Variants in NAV3 observed in about 807,000 individuals in gnomAD.
NAV3 encodes the protein neuron navigator 3.
Under a neutral mutation model 244.7 loss-of-function variants are expected in NAV3, and 87 were observed. That is an observed-to-expected ratio of 0.36 (90% CI 0.30 to 0.42). The LOEUF (loss-of-function observed/expected upper bound fraction) is 0.42, where lower values mean the gene tolerates loss of function less well. Among genes scored for constraint, NAV3 ranks in the 20% least tolerant of loss-of-function variants. The pLI is 1.00. For synonymous variants in NAV3, 1,126 were observed against 1,042.2 expected (o/e 1.08, Z -1.55); for missense variants, 2,663 against 2,893.3 (o/e 0.92, Z 1.83).
At position 78,006,927 on chromosome 12, in the gene NAV3, A is replaced by G. The variant is rs1378132539; in HGVS notation, c.1389A>G (p.Leu463=). 1 of 1,613,926 alleles carries G rather than the reference A, an allele frequency of 6.2e-7. No homozygotes were observed. Among genetic ancestry groups the G allele is most frequent in the East Asian group, 2.2e-5 (1 of 44,884 alleles). ...ATCTCAGCAATAAAAAGTCTTTGCT[A>G]CAGCCAAAGGAAAAAGAAGAAAAGA... ...SKNLSNKKSL[L]QPKEKEEKNR... is the part of the protein sequence containing the mutation. Residue 463 remains leucine (L), a synonymous_variant, in exon 8 of 40, where the codon CTA becomes CTG. Transcript: ENST00000397909.
intron 10 of NAV3, 50 bp downstream of exon 10, chr12:78,050,151 C>T: frequency 3.2e-6 from 4 of 1,263,616 alleles, no homozygotes. Flanking sequence ...AAAATAATTA[C>T]AAACAAACAT....
chr12:77,879,810 C>G (rs957631243), intron 1 of NAV3, among the ~76,000 whole-genome samples: 4 of 150,366 alleles, frequency 2.7e-5, no homozygotes, highest in Admixed American at 2.0e-4. Flanking sequence ...CTAGCTATAA[C>G]TTTTCAAAAA....
At chr12:78,059,758 G>C (rs1026636679) in intron 12 of NAV3, among the ~76,000 whole-genome samples, 3 of 151,822 alleles carry the variant, frequency 2.0e-5, no homozygotes, top group Admixed American at 1.3e-4. Context: ...TATTTTCCTT[G>C]TTAGAAAGAA....
chr12:77,768,791 T>C (rs533037186), intron 2 of NAV3, among the ~76,000 whole-genome samples: 36 of 152,360 alleles, frequency 2.4e-4, no homozygotes, highest in African/African-American at 8.2e-4. Context: ...GGCTCCTGCC[T>C]GTTCCTGGTT....
intron 1 of NAV3, among the ~76,000 whole-genome samples, chr12:77,932,047 A>C (rs1404494734): frequency 6.6e-6 from 1 of 151,940 alleles, no homozygotes; most frequent in Non-Finnish European, 1.5e-5. Flanking sequence ...CTTAGGGATG[A>C]TCATTGTTGT....
chr12:78,159,644 G>T (rs1311324299), intron 23 of NAV3, among the ~76,000 whole-genome samples: 1 of 151,894 alleles, frequency 6.6e-6, no homozygotes, highest in Non-Finnish European at 1.5e-5. Flanking sequence ...ACTCCAGCCT[G>T]GGAGACAGAA....
intron 15 of NAV3, among the ~76,000 whole-genome samples, chr12:78,121,378 T>A (rs1318437308): frequency 6.6e-6 from 1 of 152,212 alleles, no homozygotes; most frequent in Non-Finnish European, 1.5e-5. Context: ...ACAAACTGAC[T>A]TGTTGCCGAC....
At chr12:77,631,240 T>C (rs1180411278) in intron 2 of NAV3, among the ~76,000 whole-genome samples, 2 of 152,116 alleles carry the variant, frequency 1.3e-5, no homozygotes, top group Non-Finnish European at 2.9e-5. Flanking sequence ...ATTCTCCCAG[T>C]CCCTCAGCTA....
intron 5 of NAV3, among the ~76,000 whole-genome samples, chr12:77,979,715 A>AG (rs937966826): frequency 1.3e-5 from 2 of 150,184 alleles, no homozygotes; most frequent in Admixed American, 6.6e-5. Context: ...AAAAAAAGAA[A>AG]AAAAAAAAAA....
chr12:77,827,064 C>T (rs918775558), upstream of NAV3, among the ~76,000 whole-genome samples: 4 of 151,894 alleles, frequency 2.6e-5, no homozygotes, highest in Admixed American at 2.0e-4. Flanking sequence ...GAAAAGCTGT[C>T]GCTACTAAAA....
At chr12:77,985,552 T>G (rs2136302621) in intron 5 of NAV3, among the ~76,000 whole-genome samples, 1 of 151,302 alleles carries the variant, frequency 6.6e-6, no homozygotes, top group African/African-American at 2.4e-5. Flanking sequence ...TTTCCCAGGG[T>G]TTCTATTTCT....
At chr12:77,807,605 A>G (rs1174719430) in intron 2 of NAV3, among the ~76,000 whole-genome samples, 2 of 152,154 alleles carry the variant, frequency 1.3e-5, no homozygotes, top group African/African-American at 2.4e-5. Flanking sequence ...GGCTGCCCAT[A>G]ATATTTTTTT....
intron 5 of NAV3, among the ~76,000 whole-genome samples, chr12:77,986,603 G>A (rs1870560812): frequency 6.6e-6 from 1 of 151,818 alleles, no homozygotes; most frequent in African/African-American, 2.4e-5. Flanking sequence ...TGATTCTTGA[G>A]GTTGAAAACT....
intron 38 of NAV3, among the ~76,000 whole-genome samples, chr12:78,201,336 T>A (rs2140045461): frequency 6.6e-6 from 1 of 152,172 alleles, no homozygotes; most frequent in Middle Eastern, 3.4e-3. Flanking sequence ...TAGCTTTTGC[T>A]TGTAAGTTTC....
At chr12:77,639,281 C>CAA in intron 2 of NAV3, among the ~76,000 whole-genome samples, 1 of 152,252 alleles carries the variant, frequency 6.6e-6, no homozygotes, top group Non-Finnish European at 1.5e-5. Context: ...GTCAGGTGTA[C>CAA]TTGTCTAAGT....
intron 12 of NAV3, among the ~76,000 whole-genome samples, chr12:78,108,035 A>G (rs532305835): frequency 6.6e-6 from 1 of 152,300 alleles, no homozygotes; most frequent in South Asian, 2.1e-4. Context: ...TGATAAAACT[A>G]TATGATCCAA....
At chr12:77,879,685 C>CAAAAAAAAAAAAAAA (rs72076222) in intron 1 of NAV3, among the ~76,000 whole-genome samples, 1 of 85,094 alleles carries the variant, frequency 1.2e-5, no homozygotes, top group African/African-American at 4.4e-5. Context: ...AACTCCATCT[C>CAAAAAAAAAAAAAAA]AAAAAAAAAA....
intron 1 of NAV3, among the ~76,000 whole-genome samples, chr12:77,840,036 G>C (rs1875361527): frequency 6.6e-6 from 1 of 152,106 alleles, no homozygotes; most frequent in Non-Finnish European, 1.5e-5. Flanking sequence ...TCGCGCCACT[G>C]TACTCCAGCC....
intron 2 of NAV3, among the ~76,000 whole-genome samples, chr12:77,806,474 T>A (rs1386772157): frequency 6.6e-6 from 1 of 152,192 alleles, no homozygotes; most frequent in Non-Finnish European, 1.5e-5. Context: ...ATTTGTGCAG[T>A]TTTGAGTGAG....
Sources: allele counts gnomAD v4.1 joint callset (sites outside exome capture counted in the v4.1 genomes callset), GRCh38; gene constraint gnomAD v4.1.1; transcripts MANE v1.5; gene names NCBI Gene and HGNC (gene_info 2026-07-23, HGNC 2026-07-21).